The following MYH10 variants were observed in gnomAD, a reference collection of about 807,000 sequenced individuals.
The protein encoded by MYH10 is myosin heavy chain 10.
In MYH10, 55 loss-of-function variants were observed where a neutral mutation model predicts 257.8. That is an observed-to-expected ratio of 0.21 (90% confidence interval 0.17 to 0.27). MYH10 has a LOEUF of 0.27. MYH10 is among the 10% of genes least tolerant of loss of function. The pLI is 1.00. For missense variants in MYH10, 1,631 were observed against 2,500.6 expected (o/e 0.65, Z 7.42); for synonymous variants, 854 against 921.7 (o/e 0.93, Z 1.33).
At chr17:8,600,085 G>A (rs1391615682) in intron 3 of MYH10, among the ~76,000 whole-genome samples, 1 of 152,134 alleles carries the variant, frequency 6.6e-6, no homozygotes, top group Non-Finnish European at 1.5e-5. Flanking sequence ...TCACGGTCAG[G>A]AAATTACAGT....
At chr17:8,514,779 G>A (rs1481436266) in intron 21 of MYH10, among the ~76,000 whole-genome samples, 1 of 152,084 alleles carries the variant, frequency 6.6e-6, no homozygotes, top group African/African-American at 2.4e-5. Flanking sequence ...TCCAGCAGTC[G>A]GCTTTCTATC....
chr17:8,492,631 CT>C (rs74648985), intron 33 of MYH10, 122 bp from the exon 34 acceptor site: 189,115 of 925,034 alleles, frequency 0.2, 2 homozygotes, highest in Non-Finnish European at 0.22. Flanking sequence ...CTTGTATTTC[CT>C]TTTTTTTTTT....
intron 4 of MYH10, among the ~76,000 whole-genome samples, chr17:8,583,347 G>A (rs1044467266): frequency 2.0e-5 from 3 of 152,074 alleles, no homozygotes; most frequent in Non-Finnish European, 4.4e-5. Context: ...TTTAGGACTT[G>A]AGGACATATA....
At chr17:8,572,234 G>T (rs7406581) in intron 6 of MYH10, among the ~76,000 whole-genome samples, 3 of 88,084 alleles carry the variant, frequency 3.4e-5, no homozygotes, top group Non-Finnish European at 7.7e-5. Context: ...CTCTCTGTGT[G>T]TGTGTGTGTG....
At position 8,521,287 on chromosome 17, in the gene MYH10, TG is replaced by T; in HGVS notation, c.1958-3del. On this transcript the variant is annotated splice_polypyrimidine_tract_variant and splice_region_variant and intron_variant, in intron 17 of 42. Transcript: ENST00000360416. Reference sequence around the variant, plus strand: ...GATCCAGACCCACGATACGGTCCACTGGGGAGAAGAAAGGAGAAAACAAATA... The same window carrying T: ...GATCCAGACCCACGATACGGTCCACTGGGAGAAGAAAGGAGAAAACAAATA... 6.2e-7 allele frequency: 1 copy of T among 1,613,702 alleles called. No homozygotes were observed. The highest frequency in any genetic ancestry group is 8.5e-7 in the Non-Finnish European group (1 of 1,179,660).
chr17:8,565,325 A>C (rs550538379), intron 7 of MYH10, among the ~76,000 whole-genome samples: 1 of 152,218 alleles, frequency 6.6e-6, no homozygotes, highest in African/African-American at 2.4e-5. Flanking sequence ...AGTTTCTTTC[A>C]AACCCCAAGA....
intron 30 of MYH10, among the ~76,000 whole-genome samples, chr17:8,497,738 CAAAAAAAAAAAAA>C (rs559562540): frequency 1.4e-4 from 8 of 56,874 alleles, no homozygotes; most frequent in Middle Eastern, 0.026. Flanking sequence ...GACTCTGTCT[CAAAAAAAAAAAAA>C]AAAAAAAAAA....
chr17:8,495,353 A>C, intron 30 of MYH10, 112 bp from the exon 31 acceptor site: 1 of 668,212 alleles, frequency 1.5e-6, no homozygotes, highest in Non-Finnish European at 2.6e-6. Context: ...TGTGAACCTG[A>C]AACTACCCAT....
chr17:8,615,253 G>A (rs2085213212), intron 2 of MYH10, among the ~76,000 whole-genome samples: 1 of 151,982 alleles, frequency 6.6e-6, no homozygotes, highest in Non-Finnish European at 1.5e-5. Context: ...AATCCAGCCT[G>A]GGTGACAGAG....
At chr17:8,548,493 T>G in intron 10 of MYH10, 85 bp from the exon 11 acceptor site, 2 of 1,388,462 alleles carry the variant, frequency 1.4e-6, no homozygotes, top group Non-Finnish European at 2.0e-6. Context: ...GTGCTAAAAA[T>G]TAGCTATACA....
chr17:8,621,557 T>C (rs545090402), intron 2 of MYH10, among the ~76,000 whole-genome samples: 1 of 152,286 alleles, frequency 6.6e-6, no homozygotes, highest in East Asian at 1.9e-4. Context: ...TCAGCTGGAC[T>C]CTCAACGCCA....
intron 17 of MYH10, among the ~76,000 whole-genome samples, chr17:8,527,740 A>G (rs1240969635): frequency 6.6e-6 from 1 of 152,228 alleles, no homozygotes; most frequent in Non-Finnish European, 1.5e-5. Context: ...TGATACTCAC[A>G]GTAACCCTGA....
At position 8,493,765 on chromosome 17, in the gene MYH10, G is replaced by T. The variant is rs763487706; in HGVS notation, c.4177C>A (p.Leu1393Met). 3.7e-5 allele frequency: 59 copies of T among 1,613,876 alleles called. No homozygotes were observed. The highest frequency in any genetic ancestry group is 5.0e-5 in the Admixed American group (3 of 59,984). Residue 1393 changes from leucine to methionine, a missense_variant, in exon 32 of 43, where the codon CTG becomes ATG. By Grantham distance (15) the Leu-to-Met change is conservative. Transcript: ENST00000360416. ...QEEEEEARKN[L>M]EKQVLALQSQ... ...TGCAGGGCCAGCACTTGCTTCTCCA[G>T]GTTCTTCCTGGCCTCCTCCTCCTCC...
intron 3 of MYH10, among the ~76,000 whole-genome samples, chr17:8,597,440 G>C (rs2084421009): frequency 6.6e-6 from 1 of 151,662 alleles, no homozygotes; most frequent in South Asian, 2.1e-4. Context: ...TATGTAAGAA[G>C]AAATTCCTAA....
intron 30 of MYH10, among the ~76,000 whole-genome samples, chr17:8,496,391 G>A (rs1335145865): frequency 6.6e-6 from 1 of 152,234 alleles, no homozygotes; most frequent in Non-Finnish European, 1.5e-5. Context: ...TGGTGGGGAA[G>A]GGCTCCAAAG....
At chr17:8,606,208 A>C (rs899820776) in intron 2 of MYH10, among the ~76,000 whole-genome samples, 1 of 152,190 alleles carries the variant, frequency 6.6e-6, no homozygotes. Flanking sequence ...ATTACACAGA[A>C]TTGACCCTAT....
chr17:8,629,726 C>A (rs942843912), intron 1 of MYH10, among the ~76,000 whole-genome samples: 1 of 152,162 alleles, frequency 6.6e-6, no homozygotes, highest in Non-Finnish European at 1.5e-5. Context: ...ATAAAGGGAT[C>A]CCGAGGCGAG....
At chr17:8,478,624 T>C (rs1393473302) in intron 40 of MYH10, among the ~76,000 whole-genome samples, 178 bp from the exon 41 acceptor site, 2 of 152,232 alleles carry the variant, frequency 1.3e-5, no homozygotes, top group Non-Finnish European at 2.9e-5. Flanking sequence ...AAAATCAGAA[T>C]TGCCTTTAAT....
chr17:8,566,557 C>T (rs1218187543), intron 7 of MYH10, among the ~76,000 whole-genome samples: 1 of 152,000 alleles, frequency 6.6e-6, no homozygotes, highest in Non-Finnish European at 1.5e-5. Flanking sequence ...CAAGAGCTAC[C>T]TGAGGAAGAT....
Sources: gnomAD v4.1 joint callset for allele counts (sites outside exome capture counted in the v4.1 genomes callset) on GRCh38, gnomAD v4.1.1 for gene constraint, MANE v1.5 for transcripts, NCBI Gene and HGNC (gene_info 2026-07-23, HGNC 2026-07-21) for gene names.